PFKFB2: variants seen among roughly 807,000 people sequenced by gnomAD.
The protein encoded by PFKFB2 is 6-phosphofructo-2-kinase/fructose-2,6-bisphosphatase 2.
PFKFB2 carries 53 observed loss-of-function variants against 68.0 expected under a neutral mutation model. That is an observed-to-expected ratio of 0.78 (90% CI 0.63 to 0.98). PFKFB2 has a LOEUF of 0.98. Among genes scored for constraint, PFKFB2 ranks in the 50% least tolerant of loss-of-function variants. PFKFB2 has a pLI of 0.00. For missense variants in PFKFB2, 451 were observed against 642.0 expected, an observed-to-expected ratio of 0.70 and a Z score of 3.22; for synonymous variants, 222 against 227.6, an observed-to-expected ratio of 0.98 and a Z score of 0.22.
At chr1:207,049,333 C>T (rs1218945664), upstream of PFKFB2, 9 of 1,614,162 alleles carry the variant, frequency 5.6e-6, no homozygotes, top group Non-Finnish European at 7.6e-6. Context: ...ACGATCAATT[C>T]TTACTGTCTG....
intron 2 of PFKFB2, among the ~76,000 whole-genome samples, chr1:207,057,306 A>C (rs1682953216): frequency 6.9e-6 from 1 of 144,070 alleles, no homozygotes; most frequent in African/African-American, 2.6e-5. Context: ...AAACTACAAA[A>C]AAAAAAAAAA....
In PFKFB2 at chr1:207,072,220, A is replaced by G; in HGVS notation, c.1367A>G (p.Asn456Ser). The stretch of plus-strand genomic sequence containing the variant: ...TCCAATCAGAACAACTTCCCCAAGA[A>G]CCAAACCCCTGTAAGGATGAGAAGG... ...RDKPTNNFPK[N>S]QTPVRMRRNS... Residue 456 changes from asparagine (N) to serine (S), a missense_variant, in exon 15 of 15, where the codon AAC becomes AGC. Coordinates refer to ENST00000367080, the MANE Select transcript of PFKFB2 (RefSeq NM_006212.2). 6.2e-7 allele frequency: 1 copy of G among 1,613,876 alleles called. No homozygotes were observed. Among genetic ancestry groups the G allele is most frequent in the East Asian group, 2.2e-5 (1 of 44,880 alleles).
At chr1:207,060,032 A>G (rs941679620) in intron 2 of PFKFB2, among the ~76,000 whole-genome samples, 17 of 152,174 alleles carry the variant, frequency 1.1e-4, no homozygotes, top group Non-Finnish European at 1.9e-4. Flanking sequence ...GAGCCGGCAG[A>G]GCCTGAGCTA....
intron 12 of PFKFB2, 33 bp from the exon 13 acceptor site, chr1:207,071,155 G>A: frequency 6.4e-7 from 1 of 1,574,054 alleles, no homozygotes; most frequent in Non-Finnish European, 8.7e-7. Context: ...ATAATACTAA[G>A]AGACTTCCCT....
At chr1:207,078,596 T>C (rs1683689112), downstream of PFKFB2, among the ~76,000 whole-genome samples, 1 of 152,174 alleles carries the variant, frequency 6.6e-6, no homozygotes, top group African/African-American at 2.4e-5. Context: ...GACTACAGTG[T>C]CACTTTATTG....
At chr1:207,066,556 A>G (rs1683293586) in intron 8 of PFKFB2, among the ~76,000 whole-genome samples, 1 of 152,148 alleles carries the variant, frequency 6.6e-6, no homozygotes, top group Non-Finnish European at 1.5e-5. Context: ...ATATATATAC[A>G]TGTGTATGTT....
chr1:207,078,599 C>T (rs901118936), downstream of PFKFB2, among the ~76,000 whole-genome samples: 2 of 152,216 alleles, frequency 1.3e-5, no homozygotes, highest in African/African-American at 2.4e-5. Context: ...TACAGTGTCA[C>T]TTTATTGGCA....
downstream of PFKFB2, among the ~76,000 whole-genome samples, chr1:207,078,293 G>A (rs17020246): frequency 5.3e-5 from 8 of 152,000 alleles, no homozygotes; most frequent in Admixed American, 2.0e-4. Flanking sequence ...TTTACCATTC[G>A]CATGCCTTAT....
At chr1:207,061,185 A>ATCTT (rs1362879558) in intron 2 of PFKFB2, among the ~76,000 whole-genome samples, 4 of 80,130 alleles carry the variant, frequency 5.0e-5, no homozygotes, top group African/African-American at 1.9e-4. Context: ...ATATATATAT[A>ATCTT]TATATATATA....
intron 9 of PFKFB2, 48 bp from the exon 10 acceptor site, chr1:207,068,115 T>TGTGTGTGTGC: frequency 1.3e-6 from 2 of 1,517,698 alleles, no homozygotes; most frequent in Non-Finnish European, 1.8e-6. Context: ...TGTGTGTGTG[T>TGTGTGTGTGC]GTCTGTGTGT....
At chr1:207,068,422 C>A in intron 10 of PFKFB2, 113 bp downstream of exon 10, 2 of 913,706 alleles carry the variant, frequency 2.2e-6, no homozygotes, top group Non-Finnish European at 3.0e-6. Context: ...CAAGTAAAAA[C>A]TCTGAGGAAG....
rs1011280013 is a variant in PFKFB2 at position 207,077,404 on chromosome 1, C to T, written c.*5033C>T. On this transcript the variant is annotated 3_prime_UTR_variant, in exon 15 of 15. Coordinates refer to ENST00000367080, the MANE Select transcript of PFKFB2 (RefSeq NM_006212.2). ...CTGGATATCTGTGACCAATGTTTAC[C>T]TACGCAATGTTTTTGTATCTGAATT... 5 of 984,918 alleles carry T rather than the reference C, an allele frequency of 5.1e-6. No homozygotes were observed. The highest frequency in any genetic ancestry group is 6.0e-6 in the Non-Finnish European group (5 of 829,658). The allele number at this position is 984,918 out of a possible 1,614,324, so 61.0% of individuals were successfully genotyped here.
In PFKFB2 at chr1:207,076,801, A is replaced by G. The variant is rs754453547; in HGVS notation, c.*4430A>G. The G allele has an allele frequency of 1.4e-4, 138 of 985,322 alleles. No homozygotes were observed. Among genetic ancestry groups the G allele is most frequent in the Middle Eastern group, 5.2e-4 (1 of 1,914 alleles). The allele number at this position is 985,322 out of a possible 1,614,324, so 61.0% of individuals were successfully genotyped here. On this transcript the variant is annotated 3_prime_UTR_variant, in exon 15 of 15. Coordinates refer to ENST00000367080, the MANE Select transcript of PFKFB2 (RefSeq NM_006212.2). ...CTGTGTGCTGACTGATAGATAGACT[A>G]TAGTAAAATTTGGGTGTTGCCTGAC...
At position 207,070,169 on chromosome 1, in the gene PFKFB2, G is replaced by C. The variant is rs1284335301; in HGVS notation, c.1093-111G>C. The C allele has an allele frequency of 7.6e-7, 1 of 1,316,498 alleles. No individual in the cohort carries two copies. Among genetic ancestry groups the C allele is most frequent in the African/African-American group, 1.5e-5 (1 of 68,208 alleles). 81.6% of individuals were successfully genotyped at this position (1,316,498 alleles called of 1,614,324 possible). A position where few individuals can be genotyped will look rare whatever the true frequency, so the allele number is the denominator to read the frequency against. On this transcript the variant is annotated intron_variant, in intron 11 of 14. Transcript: ENST00000367080. This position sits in a 1 kb window ranked among gnomAD's most constrained non-coding sequence, Gnocchi z 4.2. ...TGTAAACTCACTGAGCCTCCAGGAG[G>C]AAAGCCAGCTGAGGAAGAAGAAGTG...
upstream of PFKFB2, chr1:207,048,965 C>A: frequency 6.6e-7 from 1 of 1,520,416 alleles, no homozygotes; most frequent in South Asian, 1.2e-5. Flanking sequence ...ATTGGAAAAC[C>A]CAGAGCCTTC....
chr1:207,054,650 A>G, intron 1 of PFKFB2, 51 bp from the exon 2 acceptor site: 1 of 1,283,776 alleles, frequency 7.8e-7, no homozygotes, highest in Non-Finnish European at 1.1e-6. Flanking sequence ...TTTTTAAGTT[A>G]TGTCTTCTTT....
upstream of PFKFB2, among the ~76,000 whole-genome samples, chr1:207,050,338 G>A (rs1338661097): frequency 6.6e-6 from 1 of 152,150 alleles, no homozygotes; most frequent in African/African-American, 2.4e-5. Context: ...TCTCATCGGT[G>A]ATATAGGGAA....
At chr1:207,079,238 A>G (rs1683705291), downstream of PFKFB2, 2 of 586,836 alleles carry the variant, frequency 3.4e-6, no homozygotes, top group Non-Finnish European at 6.1e-6. Context: ...GCCTCAAAAC[A>G]TTTAGCAACC....
chr1:207,045,685 G>A (rs555094768), intron 2 of PFKFB2: 5 of 151,466 alleles, frequency 3.3e-5, no homozygotes, highest in Admixed American at 2.6e-4. Flanking sequence ...ACTATGTTTA[G>A]CTTAGGGCAA....
Sources: gnomAD v4.1 joint callset for allele counts (sites outside exome capture counted in the v4.1 genomes callset) on GRCh38, gnomAD v4.1.1 for gene constraint, Gnocchi (gnomAD v3.1) non-coding constraint, MANE v1.5 for transcripts, NCBI Gene and HGNC (gene_info 2026-07-23, HGNC 2026-07-21) for gene names.